The following PRKCZ variants were observed in gnomAD, a reference collection of about 807,000 sequenced individuals.
The protein encoded by PRKCZ is protein kinase C zeta type.
PRKCZ carries 33 observed loss-of-function variants against 79.5 expected under a neutral mutation model. The ratio of observed to expected loss-of-function variants is 0.41; its 90% confidence interval spans 0.31 to 0.55. The LOEUF (loss-of-function observed/expected upper bound fraction) is 0.55, where lower values mean the gene tolerates loss of function less well. PRKCZ is among the 20% of genes least tolerant of loss of function. The probability of loss-of-function intolerance (pLI) is 0.19; values close to 1 mark genes in which losing one functional copy is unlikely to be tolerated. For synonymous variants in PRKCZ, 342 were observed against 320.9 expected (o/e 1.07, Z -0.70); for missense variants, 578 against 813.5 (o/e 0.71, Z 3.52).
At chr1:2,119,199 A>G (rs1255081737) in intron 4 of PRKCZ, among the ~76,000 whole-genome samples, 1 of 148,122 alleles carries the variant, frequency 6.8e-6, no homozygotes, top group Non-Finnish European at 1.5e-5. Context: ...TAACAGTTTA[A>G]TTCTTATTTT....
chr1:2,050,443 G>GTCCCGCCCCGCGCGCCCCCCGC lies in PRKCZ; in HGVS notation c.-171_-150dup, dbSNP rs1472925344. 6.8e-5 allele frequency: 14 copies of GTCCCGCCCCGCGCGCCCCCCGC among 204,524 alleles called. No homozygotes were observed. The highest frequency in any genetic ancestry group is 1.3e-4 in the East Asian group (1 of 7,590). 12.7% of individuals were successfully genotyped at this position (204,524 alleles called of 1,614,324 possible). On this transcript the variant is annotated 5_prime_UTR_variant, in exon 1 of 18. Coordinates refer to ENST00000378567, the MANE Select transcript of PRKCZ (RefSeq NM_002744.6). ...CACCGCCCCCCGCCCCCGCCGGACG[G>GTCCCGCCCCGCGCGCCCCCCGC]TCCCGCCCCGCGCGCCCCCCGCTCC...
Position 2,168,656 on chromosome 1 carries a change from G to A in PRKCZ, c.975-862G>A, listed in dbSNP as rs1474442410. Among the ~76,000 whole-genome samples the A allele has an allele frequency of 6.6e-6, 1 of 152,124 alleles. No homozygotes were observed. Among genetic ancestry groups the A allele is most frequent in the Non-Finnish European group, 1.5e-5 (1 of 68,014 alleles). On this transcript the variant is annotated intron_variant, in intron 10 of 17. Coordinates refer to ENST00000378567, the MANE Select transcript of PRKCZ (RefSeq NM_002744.6). The surrounding 1 kb of genome is among the most constrained non-coding windows in gnomAD (Gnocchi z 4.7). ...GCCTTGAGGCGTAACAGTGGCGGTG[G>A]TGTGGGAGCTTGCGTGGGATCGAAG...
chr1:2,137,825 A>G (rs1244700400), intron 5 of PRKCZ, among the ~76,000 whole-genome samples: 1 of 151,768 alleles, frequency 6.6e-6, no homozygotes, highest in Admixed American at 6.5e-5. Context: ...ACACTGGAGG[A>G]AAGGGTGGCA....
intron 8 of PRKCZ, 64 bp from the exon 9 acceptor site, chr1:2,150,726 G>A (rs1281262496): frequency 3.7e-5 from 56 of 1,498,942 alleles, no homozygotes; most frequent in East Asian, 2.7e-4. Context: ...TGAGTGATGC[G>A]TGGTCCTCTG....
intron 4 of PRKCZ, among the ~76,000 whole-genome samples, chr1:2,061,248 C>T (rs1660647353): frequency 6.6e-6 from 1 of 152,230 alleles, no homozygotes; most frequent in African/African-American, 2.4e-5. Context: ...CGTATTTCTC[C>T]GACATGTCTG....
intron 4 of PRKCZ, 95 bp from the exon 5 acceptor site, chr1:2,135,167 C>A: frequency 9.0e-7 from 1 of 1,107,770 alleles, no homozygotes. Context: ...CTGCGGCCGC[C>A]ACCACCTGGA....
rs1010816282 is a variant in PRKCZ at position 2,075,418 on chromosome 1, A to G, written c.334+15827A>G. On this transcript the variant is annotated intron_variant, in intron 4 of 17. Transcript: ENST00000378567. This position sits in a 1 kb window ranked among gnomAD's most constrained non-coding sequence, Gnocchi z 4.8. ...GGGATGGGGACAGATTGGAGGGGCC[A>G]CCGGCTGCCCCCCAGAAGCTGTTTC... 2 of 152,112 alleles carry G rather than the reference A, an allele frequency of 1.3e-5. No homozygotes were observed. Among genetic ancestry groups the G allele is most frequent in the Non-Finnish European group, 2.9e-5 (2 of 68,046 alleles). 9.4% of individuals were successfully genotyped at this position (152,112 alleles called of 1,614,324 possible).
chr1:2,055,912 T>G, intron 2 of PRKCZ: 1 of 214,588 alleles, frequency 4.7e-6, no homozygotes, highest in Non-Finnish European at 9.3e-6. Flanking sequence ...CTTCATATTC[T>G]AGGGACCACG....
intron 5 of PRKCZ, chr1:2,143,292 G>A (rs1033941279): frequency 1.6e-4 from 25 of 152,338 alleles, no homozygotes; most frequent in African/African-American, 6.0e-4. Flanking sequence ...GCCTCCCCAA[G>A]TGCTGGGATT....
Position 2,178,309 on chromosome 1 carries a change from G to T in PRKCZ, c.1575+2996G>T, listed in dbSNP as rs1685876753. Among the ~76,000 whole-genome samples the T allele has an allele frequency of 6.6e-6, 1 of 152,190 alleles. No homozygotes were observed. Among genetic ancestry groups the T allele is most frequent in the South Asian group, 2.1e-4 (1 of 4,836 alleles). ...GGGCACACCGCGGCCTTTCGTGCCT[G>T]CCCTCCCCTCAGCATTGTCTCCACA... On this transcript the variant is annotated intron_variant, in intron 16 of 17. Coordinates refer to ENST00000378567, the MANE Select transcript of PRKCZ (RefSeq NM_002744.6). The surrounding 1 kb of genome is among the most constrained non-coding windows in gnomAD (Gnocchi z 4.3).
At chr1:2,132,282 C>T (rs1039536659) in intron 4 of PRKCZ, among the ~76,000 whole-genome samples, 7 of 152,198 alleles carry the variant, frequency 4.6e-5, no homozygotes, top group African/African-American at 1.7e-4. Context: ...GCCCACACAT[C>T]GGTTTATTTA....
intron 10 of PRKCZ, among the ~76,000 whole-genome samples, chr1:2,162,999 C>T (rs1276588600): frequency 2.0e-5 from 3 of 152,140 alleles, no homozygotes; most frequent in Non-Finnish European, 4.4e-5. Flanking sequence ...GCTTTGGATG[C>T]ACAGGGTTAG....
chr1:2,144,101 C>G (rs1186037980), intron 5 of PRKCZ, 109 bp from the exon 6 acceptor site: 3 of 1,439,216 alleles, frequency 2.1e-6, no homozygotes, highest in Non-Finnish European at 2.8e-6. Context: ...CCACCTGTTG[C>G]CCGGCTCAGT....
At chr1:2,056,667 T>A in intron 3 of PRKCZ, 94 bp downstream of exon 3, 1 of 1,143,980 alleles carries the variant, frequency 8.7e-7, no homozygotes, top group South Asian at 1.6e-5. Flanking sequence ...TGGTTTAAAA[T>A]CCTATGATGC....
chr1:2,071,324 C>G, intron 4 of PRKCZ: 1 of 469,660 alleles, frequency 2.1e-6, no homozygotes, highest in Non-Finnish European at 4.2e-6. Flanking sequence ...AAGAGAGCGG[C>G]CCCACCGAGT....
chr1:2,059,379 A>G (rs1186487349), intron 3 of PRKCZ, among the ~76,000 whole-genome samples, 162 bp from the exon 4 acceptor site: 16 of 152,186 alleles, frequency 1.1e-4, no homozygotes, highest in Admixed American at 1.0e-3. Flanking sequence ...ACGTAGACGC[A>G]CGGGGTTTTG....
chr1:2,051,557 C>T (rs560020406), intron 1 of PRKCZ, among the ~76,000 whole-genome samples: 4 of 152,348 alleles, frequency 2.6e-5, no homozygotes, highest in South Asian at 4.1e-4. Flanking sequence ...GAGCAGAATG[C>T]GGGCTCCGGA....
intron 4 of PRKCZ, among the ~76,000 whole-genome samples, chr1:2,063,181 G>A (rs1660842782): frequency 6.6e-6 from 1 of 152,162 alleles, no homozygotes; most frequent in African/African-American, 2.4e-5. Context: ...TGGACACACG[G>A]GTGACTTCCA....
intron 4 of PRKCZ, among the ~76,000 whole-genome samples, chr1:2,069,394 G>A (rs1351937568): frequency 2.0e-5 from 3 of 152,176 alleles, no homozygotes; most frequent in African/African-American, 7.2e-5. Context: ...GAAAGGGAGT[G>A]GGTGTCCAGA....
Sources: gnomAD v4.1 joint callset for allele counts (sites outside exome capture counted in the v4.1 genomes callset) on GRCh38, gnomAD v4.1.1 for gene constraint, Gnocchi (gnomAD v3.1) non-coding constraint, MANE v1.5 for transcripts, NCBI Gene and HGNC (gene_info 2026-07-23, HGNC 2026-07-21) for gene names.